Variants in UVRAG observed in about 807,000 individuals in gnomAD.
UVRAG encodes UV radiation resistance-associated gene protein.
In UVRAG, 19 loss-of-function variants were observed where a neutral mutation model predicts 78.0. The ratio of observed to expected loss-of-function variants is 0.24; its 90% CI spans 0.17 to 0.36. The LOEUF is 0.36. UVRAG is among the 10% of genes least tolerant of loss of function. The pLI, the probability that UVRAG is intolerant of heterozygous loss-of-function variation, is 1.00. For missense variants in UVRAG, 740 were observed against 853.8 expected, an observed-to-expected ratio of 0.87 and a Z score of 1.66; for synonymous variants, 323 against 324.6, an observed-to-expected ratio of 1.00 and a Z score of 0.05.
intron 12 of UVRAG, among the ~76,000 whole-genome samples, chr11:76,037,710 G>T (rs1023234282): frequency 6.6e-6 from 1 of 152,116 alleles, no homozygotes; most frequent in Non-Finnish European, 1.5e-5. Flanking sequence ...AGACCCTGTC[G>T]CAAGGAAAGG....
At chr11:76,094,745 T>G (rs1447722474) in intron 13 of UVRAG, among the ~76,000 whole-genome samples, 2 of 152,244 alleles carry the variant, frequency 1.3e-5, no homozygotes, top group East Asian at 3.8e-4. Context: ...TTGTTTCTTC[T>G]CTCTTTTCTT....
At chr11:76,137,106 A>G in intron 14 of UVRAG, 1 of 235,112 alleles carries the variant, frequency 4.3e-6, no homozygotes, top group African/African-American at 2.2e-5. Context: ...TACCAAACTC[A>G]TATAATAAAT....
chr11:75,989,099 TG>T (rs1949555607), intron 8 of UVRAG, among the ~76,000 whole-genome samples: 1 of 152,124 alleles, frequency 6.6e-6, no homozygotes, highest in African/African-American at 2.4e-5. Flanking sequence ...CTCACTCTTT[TG>T]CCCAGGTTGG....
At chr11:75,938,975 T>C (rs73493943) in intron 6 of UVRAG, among the ~76,000 whole-genome samples, 15,974 of 152,130 alleles carry the variant, frequency 0.11, 1,604 homozygotes, top group African/African-American at 0.27. Flanking sequence ...AAACTTTCTC[T>C]AAGCATTAAG....
chr11:75,844,440 T>C (rs1473452782), intron 1 of UVRAG, among the ~76,000 whole-genome samples: 11 of 152,018 alleles, frequency 7.2e-5, no homozygotes, highest in African/African-American at 2.4e-4. Context: ...GTTAGCCAGA[T>C]GGTCTTGATC....
intron 13 of UVRAG, among the ~76,000 whole-genome samples, chr11:76,094,939 C>T (rs1282350937): frequency 6.6e-6 from 1 of 152,098 alleles, no homozygotes; most frequent in African/African-American, 2.4e-5. Context: ...CAAGGATGTT[C>T]CAGTCATCCC....
chr11:75,901,908 T>C (rs900196065), intron 5 of UVRAG, among the ~76,000 whole-genome samples: 1 of 152,196 alleles, frequency 6.6e-6, no homozygotes, highest in Non-Finnish European at 1.5e-5. Flanking sequence ...CCAGTGTGGA[T>C]AGATCCCTTT....
chr11:75,883,664 C>T (rs1051463689), intron 4 of UVRAG, among the ~76,000 whole-genome samples: 5 of 152,072 alleles, frequency 3.3e-5, no homozygotes, highest in Non-Finnish European at 2.9e-5. Context: ...TTCTTAGACC[C>T]GGTGTACTGA....
intron 11 of UVRAG, 117 bp from the exon 12 acceptor site, chr11:76,016,698 G>GTT: frequency 1.1e-6 from 1 of 929,888 alleles, no homozygotes; most frequent in Non-Finnish European, 1.5e-6. Flanking sequence ...TAGATAAGTG[G>GTT]TTAATATTTT....
chr11:75,974,235 T>C (rs1949184196), intron 7 of UVRAG, among the ~76,000 whole-genome samples: 1 of 152,226 alleles, frequency 6.6e-6, no homozygotes, highest in African/African-American at 2.4e-5. Flanking sequence ...GACTTTTTAA[T>C]GATCTCTATT....
At chr11:76,011,089 G>C (rs1950041673) in intron 11 of UVRAG, among the ~76,000 whole-genome samples, 1 of 152,106 alleles carries the variant, frequency 6.6e-6, no homozygotes, top group Non-Finnish European at 1.5e-5. Context: ...GAAATTCCTT[G>C]TCTCCTAGTT....
intron 6 of UVRAG, among the ~76,000 whole-genome samples, chr11:75,930,169 CT>C (rs1948204051): frequency 6.6e-6 from 1 of 152,156 alleles, no homozygotes. Flanking sequence ...TAAATTGAGG[CT>C]CAGGAAAGTT....
intron 5 of UVRAG, among the ~76,000 whole-genome samples, chr11:75,905,038 T>C (rs1947585433): frequency 6.6e-6 from 1 of 152,192 alleles, no homozygotes; most frequent in South Asian, 2.1e-4. Context: ...GTGTGGCTTT[T>C]AGTTGTATGT....
intron 8 of UVRAG, among the ~76,000 whole-genome samples, chr11:75,998,091 G>A (rs17748438): frequency 0.011 from 1,610 of 152,288 alleles, 27 homozygotes; most frequent in Non-Finnish European, 0.017. Context: ...ATCCCAGTGT[G>A]AAGCTCCCTT....
chr11:75,858,065 T>C (rs1336902401), intron 2 of UVRAG, among the ~76,000 whole-genome samples: 1 of 152,140 alleles, frequency 6.6e-6, no homozygotes. Flanking sequence ...CTGTCCCCAA[T>C]ATGCAGAACT....
intron 13 of UVRAG, among the ~76,000 whole-genome samples, chr11:76,084,637 G>C (rs1488269042): frequency 6.6e-6 from 1 of 151,770 alleles, no homozygotes; most frequent in Non-Finnish European, 1.5e-5. Context: ...AATATATATA[G>C]TGTTTTGTGG....
chr11:76,034,952 C>T (rs1467157546), intron 12 of UVRAG, among the ~76,000 whole-genome samples: 3 of 152,138 alleles, frequency 2.0e-5, no homozygotes, highest in South Asian at 2.1e-4. Context: ...CAATAAGCAA[C>T]GGAAACTTTT....
At chr11:76,095,386 A>C (rs1254096995) in intron 13 of UVRAG, among the ~76,000 whole-genome samples, 1 of 152,002 alleles carries the variant, frequency 6.6e-6, no homozygotes, top group African/African-American at 2.4e-5. Context: ...TAGCTTGCAA[A>C]ACATTGTTGC....
rs563377907 is a variant in UVRAG at position 76,015,211 on chromosome 11, A to C, written c.1061-1604A>C. Among the ~76,000 whole-genome samples the C allele has an allele frequency of 2.6e-5, 4 of 152,286 alleles. No homozygotes were observed. The South Asian group carries it at 8.3e-4, about 32-fold the overall frequency. On this transcript the variant is annotated intron_variant, in intron 11 of 14. Coordinates refer to ENST00000356136, the MANE Select transcript of UVRAG (RefSeq NM_003369.4). ...ACATTCGAGGCTCCCAAGTTAAAAAATTGTTATATGCTGGGCACAGTGGCA... is the reference window on the plus strand; with the variant it reads ...ACATTCGAGGCTCCCAAGTTAAAAACTTGTTATATGCTGGGCACAGTGGCA...
Sources: allele counts gnomAD v4.1 joint callset (sites outside exome capture counted in the v4.1 genomes callset), GRCh38; gene constraint gnomAD v4.1.1; transcripts MANE v1.5; gene names NCBI Gene and HGNC (gene_info 2026-07-23, HGNC 2026-07-21).